Variants in PTPRA observed in about 807,000 individuals in gnomAD.
PTPRA encodes the protein receptor-type tyrosine-protein phosphatase alpha.
Under a neutral mutation model 104.8 loss-of-function variants are expected in PTPRA, and 25 were observed. That is an observed-to-expected ratio of 0.24 (90% CI 0.17 to 0.33). PTPRA has a LOEUF of 0.33. Ranked by LOEUF, PTPRA falls within the 10% of genes least tolerant of loss-of-function variation. The probability of loss-of-function intolerance (pLI) is 1.00; values close to 1 mark genes in which losing one functional copy is unlikely to be tolerated. For synonymous variants in PTPRA, 323 were observed against 368.9 expected (o/e 0.88, Z 1.43); for missense variants, 765 against 1,015.3 (o/e 0.75, Z 3.35).
At chr20:2,964,446 G>A in intron 4 of PTPRA, 96 bp downstream of exon 4, 1 of 1,073,468 alleles carries the variant, frequency 9.3e-7, no homozygotes, top group Non-Finnish European at 1.4e-6. Context: ...TTTGAAGAAA[G>A]GAATATAAAA....
chr20:3,008,745 C>CAAAAAAAAAAAAAAAAAAAAAAAAAAAAA (rs71195810), intron 11 of PTPRA, among the ~76,000 whole-genome samples: 2 of 99,362 alleles, frequency 2.0e-5, no homozygotes, highest in Non-Finnish European at 4.0e-5. Flanking sequence ...AAAAAAAAAA[C>CAAAAAAAAAAAAAAAAAAAAAAAAAAAAA]AAAAAAAAAA....
chr20:2,910,353 ATAT>A (rs2059644748), intron 1 of PTPRA, among the ~76,000 whole-genome samples: 1 of 129,286 alleles, frequency 7.7e-6, no homozygotes, highest in East Asian at 2.1e-4. Context: ...TGTATATTAT[ATAT>A]TTTATATATA....
intron 1 of PTPRA, among the ~76,000 whole-genome samples, chr20:2,901,917 G>A (rs562401730): frequency 9.3e-5 from 14 of 150,066 alleles, no homozygotes; most frequent in Non-Finnish European, 1.3e-4. Context: ...ACAGAGTCTC[G>A]CTCTGTCACC....
chr20:3,019,290 G>A (rs1228877888), intron 13 of PTPRA, among the ~76,000 whole-genome samples: 7 of 151,400 alleles, frequency 4.6e-5, no homozygotes, highest in Middle Eastern at 3.4e-3. Flanking sequence ...GGTGGCTGCC[G>A]GGCAGAGACG....
intron 1 of PTPRA, among the ~76,000 whole-genome samples, chr20:2,911,342 C>G (rs951965246): frequency 6.6e-6 from 1 of 152,152 alleles, no homozygotes; most frequent in African/African-American, 2.4e-5. Context: ...CACACTGATA[C>G]TGCATTCACT....
intron 11 of PTPRA, among the ~76,000 whole-genome samples, chr20:3,011,179 A>C (rs1268894172): frequency 6.6e-6 from 1 of 152,250 alleles, no homozygotes; most frequent in Non-Finnish European, 1.5e-5. Flanking sequence ...AGTTATTAGT[A>C]GGCAGAGTTT....
At chr20:2,905,742 T>C (rs1197776672) in intron 1 of PTPRA, among the ~76,000 whole-genome samples, 1 of 143,176 alleles carries the variant, frequency 7.0e-6, no homozygotes, top group Non-Finnish European at 1.5e-5. Context: ...TAGAGTGCAA[T>C]GGTGTGGTCT....
At chr20:2,882,893 AAAAT>A (rs1193757387) in intron 1 of PTPRA, among the ~76,000 whole-genome samples, 1 of 152,170 alleles carries the variant, frequency 6.6e-6, no homozygotes, top group Non-Finnish European at 1.5e-5. Flanking sequence ...CTTTTTTAAA[AAAAT>A]GCCAACTTTT....
intron 20 of PTPRA, among the ~76,000 whole-genome samples, chr20:3,031,974 C>G (rs2065480797): frequency 6.6e-6 from 1 of 152,224 alleles, no homozygotes; most frequent in African/African-American, 2.4e-5. Context: ...TGCTCTCACA[C>G]TGAACTCATG....
intron 1 of PTPRA, among the ~76,000 whole-genome samples, chr20:2,921,818 A>C (rs2060108830): frequency 6.6e-6 from 1 of 152,206 alleles, no homozygotes; most frequent in African/African-American, 2.4e-5. Context: ...AGATTGCCTG[A>C]TAGAGGAATA....
At chr20:2,867,977 G>A in the PTPRA span, among the ~76,000 whole-genome samples, 1 of 152,190 alleles carries the variant, frequency 6.6e-6, no homozygotes, top group South Asian at 2.1e-4. Flanking sequence ...TAACAGGGAT[G>A]GTTTGTGTCT....
intron 2 of PTPRA, among the ~76,000 whole-genome samples, chr20:2,943,083 T>G (rs1247226535): frequency 6.6e-6 from 1 of 151,958 alleles, no homozygotes; most frequent in Non-Finnish European, 1.5e-5. Context: ...ATAGACCCTG[T>G]TCTTTTAGTG....
chr20:2,944,544 C>G (rs1004995844), intron 2 of PTPRA, among the ~76,000 whole-genome samples: 5 of 152,168 alleles, frequency 3.3e-5, no homozygotes, highest in Admixed American at 1.3e-4. Context: ...TGTAAGTTCT[C>G]TTGAGGTATC....
chr20:2,864,833 C>G, the PTPRA span: 3 of 1,216,930 alleles, frequency 2.5e-6, no homozygotes, highest in Non-Finnish European at 3.5e-6. The surrounding 1 kb of genome is among the most constrained non-coding windows in gnomAD (Gnocchi z 5.2). Context: ...AGCCATCCCT[C>G]TAGGACATCA....
intron 7 of PTPRA, 46 bp from the exon 8 acceptor site, chr20:2,987,986 T>TCC: frequency 6.7e-7 from 1 of 1,482,820 alleles, no homozygotes; most frequent in Non-Finnish European, 9.4e-7. Flanking sequence ...GATTTGCCTC[T>TCC]CCCACCTCTG....
At chr20:3,027,992 C>A in intron 20 of PTPRA, 151 bp downstream of exon 20, 1 of 1,096,462 alleles carries the variant, frequency 9.1e-7, no homozygotes, top group Non-Finnish European at 1.3e-6. Flanking sequence ...TAAGTACATA[C>A]TTAAAGGTAT....
chr20:2,957,428 G>A (rs1261066092), intron 3 of PTPRA, among the ~76,000 whole-genome samples: 2 of 152,226 alleles, frequency 1.3e-5, no homozygotes, highest in Non-Finnish European at 2.9e-5. Context: ...CTTTTAGGCT[G>A]GAAGCAGCTG....
chr20:2,887,366 T>G (rs2090445917), intron 1 of PTPRA, among the ~76,000 whole-genome samples: 1 of 152,196 alleles, frequency 6.6e-6, no homozygotes, highest in Non-Finnish European at 1.5e-5. Context: ...GGTTTGTTTG[T>G]GGAGAACGGA....
chr20:2,957,697 A>G (rs2061588140), intron 3 of PTPRA, among the ~76,000 whole-genome samples: 1 of 152,176 alleles, frequency 6.6e-6, no homozygotes, highest in Non-Finnish European at 1.5e-5. Flanking sequence ...AGGGAAGGGG[A>G]AAATTTCTGG....
Sources: gnomAD v4.1 joint callset for allele counts (sites outside exome capture counted in the v4.1 genomes callset) on GRCh38, gnomAD v4.1.1 for gene constraint, Gnocchi (gnomAD v3.1) non-coding constraint, MANE v1.5 for transcripts, NCBI Gene and HGNC (gene_info 2026-07-23, HGNC 2026-07-21) for gene names.